The following NBEA variants were observed in gnomAD, a reference collection of about 807,000 sequenced individuals.
NBEA encodes lysosomal-trafficking regulator 2.
In NBEA, 44 loss-of-function variants were observed where a neutral mutation model predicts 343.4. That is an observed-to-expected ratio of 0.13 (90% CI 0.10 to 0.16). NBEA has a LOEUF of 0.16. Among genes scored for constraint, NBEA ranks in the 10% least tolerant of loss-of-function variants. The pLI, the probability that NBEA is intolerant of heterozygous loss-of-function variation, is 1.00. For synonymous variants in NBEA, 1,175 were observed against 1,238.7 expected (o/e 0.95, Z 1.08); for missense variants, 2,555 against 3,631.3 (o/e 0.70, Z 7.62).
chr13:35,529,008 C>A (rs1234352917), intron 41 of NBEA, among the ~76,000 whole-genome samples: 3 of 152,126 alleles, frequency 2.0e-5, no homozygotes, highest in African/African-American at 7.2e-5. Context: ...GTTTACCCTT[C>A]TTTGGATTCC....
At chr13:35,167,314 A>G (rs181956665) in intron 24 of NBEA, among the ~76,000 whole-genome samples, 12 of 152,118 alleles carry the variant, frequency 7.9e-5, no homozygotes, top group Admixed American at 6.6e-4. Flanking sequence ...GGAAATTTAG[A>G]TGAGTACAGT....
At chr13:35,453,548 G>C (rs538177052) in intron 40 of NBEA, among the ~76,000 whole-genome samples, 1 of 152,198 alleles carries the variant, frequency 6.6e-6, no homozygotes, top group Middle Eastern at 3.4e-3. Context: ...TTTTCTGCTG[G>C]TCTCATTCTT....
At chr13:35,122,243 T>C (rs1182066834) in intron 16 of NBEA, among the ~76,000 whole-genome samples, 1 of 152,078 alleles carries the variant, frequency 6.6e-6, no homozygotes, top group Non-Finnish European at 1.5e-5. Context: ...GGATTATAAA[T>C]CATGCTGCTG....
chr13:35,247,460 C>T (rs1488840993), intron 34 of NBEA, among the ~76,000 whole-genome samples: 1 of 152,118 alleles, frequency 6.6e-6, no homozygotes, highest in Non-Finnish European at 1.5e-5. Flanking sequence ...GGGCTTTTCC[C>T]TGCTGTTTCC....
chr13:35,402,353 T>A (rs2043039815), intron 38 of NBEA, among the ~76,000 whole-genome samples: 1 of 152,056 alleles, frequency 6.6e-6, no homozygotes, highest in African/African-American at 2.4e-5. Context: ...ATGCCATTTT[T>A]AAAAATATTT....
intron 17 of NBEA, among the ~76,000 whole-genome samples, chr13:35,134,374 C>T (rs1434547548): frequency 1.3e-5 from 2 of 149,760 alleles, no homozygotes; most frequent in Admixed American, 6.7e-5. Flanking sequence ...AAAAAAAAGG[C>T]GGGTCATGTC....
chr13:35,180,653 A>G (rs991930903), intron 28 of NBEA, among the ~76,000 whole-genome samples: 3 of 151,668 alleles, frequency 2.0e-5, no homozygotes, highest in African/African-American at 7.3e-5. Context: ...GTGCAGAATA[A>G]TGGACTATTA....
At chr13:35,036,890 T>G (rs2062461748) in intron 1 of NBEA, among the ~76,000 whole-genome samples, 1 of 152,170 alleles carries the variant, frequency 6.6e-6, no homozygotes, top group Admixed American at 6.6e-5. Context: ...TTCTTTGGGT[T>G]AAATCTTCTT....
intron 16 of NBEA, among the ~76,000 whole-genome samples, chr13:35,122,262 C>G (rs1405671156): frequency 6.6e-6 from 1 of 152,026 alleles, no homozygotes; most frequent in African/African-American, 2.4e-5. Flanking sequence ...TGTAAAGACA[C>G]ATGCACACGT....
intron 17 of NBEA, among the ~76,000 whole-genome samples, chr13:35,126,991 T>C (rs1477201387): frequency 6.6e-6 from 1 of 151,046 alleles, no homozygotes; most frequent in Non-Finnish European, 1.5e-5. Context: ...AGCAGAATAA[T>C]GGAACAAAAC....
At chr13:35,651,529 A>G (rs1178206440) in intron 52 of NBEA, among the ~76,000 whole-genome samples, 2 of 152,102 alleles carry the variant, frequency 1.3e-5, no homozygotes, top group African/African-American at 2.4e-5. Flanking sequence ...GATGGGTTCA[A>G]TAAATGTTAC....
At chr13:35,109,190 G>A (rs1593371375) in intron 11 of NBEA, 100 bp from the exon 12 acceptor site, 1 of 985,450 alleles carries the variant, frequency 1.0e-6, no homozygotes, top group South Asian at 2.3e-5. Flanking sequence ...ATTTATTAGG[G>A]ATAGCATATG....
chr13:35,226,005 A>G (rs1436484951), intron 33 of NBEA, among the ~76,000 whole-genome samples: 1 of 152,146 alleles, frequency 6.6e-6, no homozygotes, highest in Non-Finnish European at 1.5e-5. Context: ...AAAATATTAT[A>G]TTTTACTAAA....
At chr13:35,428,602 T>A (rs1218845080) in intron 38 of NBEA, among the ~76,000 whole-genome samples, 1 of 152,206 alleles carries the variant, frequency 6.6e-6, no homozygotes, top group African/African-American at 2.4e-5. Flanking sequence ...TGAGAGTTTC[T>A]ATTTCTTTGC....
intron 34 of NBEA, among the ~76,000 whole-genome samples, chr13:35,233,715 C>T (rs771616075): frequency 1.3e-5 from 2 of 152,018 alleles, no homozygotes; most frequent in Admixed American, 6.6e-5. Context: ...CAGACAAAGA[C>T]GCTTTTCTTC....
intron 45 of NBEA, among the ~76,000 whole-genome samples, chr13:35,575,938 GAACAT>G (rs892190571): frequency 1.5e-4 from 23 of 151,936 alleles, no homozygotes; most frequent in African/African-American, 5.6e-4. Context: ...TTATCTTATA[GAACAT>G]AACAATAACA....
intron 44 of NBEA, among the ~76,000 whole-genome samples, chr13:35,562,758 A>G (rs2079920220): frequency 6.6e-6 from 1 of 152,100 alleles, no homozygotes; most frequent in Admixed American, 6.6e-5. Flanking sequence ...TAAAGTGTGA[A>G]GAAGCAGACA....
At chr13:35,664,578 A>G (rs999093416) in intron 55 of NBEA, among the ~76,000 whole-genome samples, 1 of 152,240 alleles carries the variant, frequency 6.6e-6, no homozygotes, top group African/African-American at 2.4e-5. Context: ...CTGGGATATA[A>G]TTCAGCTGGA....
intron 1 of NBEA, among the ~76,000 whole-genome samples, chr13:34,997,011 A>G (rs772502822): frequency 6.6e-6 from 1 of 151,806 alleles, no homozygotes; most frequent in Non-Finnish European, 1.5e-5. Flanking sequence ...TGAATATTCT[A>G]CCTGTCTGTT....
Sources: allele counts gnomAD v4.1 joint callset (sites outside exome capture counted in the v4.1 genomes callset), GRCh38; gene constraint gnomAD v4.1.1; transcripts MANE v1.5; gene names NCBI Gene and HGNC (gene_info 2026-07-23, HGNC 2026-07-21).